Variants in PHACTR2 observed in about 807,000 individuals in gnomAD.
PHACTR2 encodes the protein chromosome 6 open reading frame 56.
In PHACTR2, 30 loss-of-function variants were observed where a neutral mutation model predicts 76.0. The observed-to-expected ratio is 0.39, with a 90% CI of 0.30 to 0.54. PHACTR2 has a LOEUF of 0.54. Ranked by LOEUF, PHACTR2 falls within the 20% of genes least tolerant of loss-of-function variation. The pLI is 0.61. For missense variants in PHACTR2, 696 were observed against 781.1 expected (o/e 0.89, Z 1.30); for synonymous variants, 292 against 292.5 (o/e 1.00, Z 0.02).
rs1238762757 is a variant in PHACTR2 at position 143,819,701 on chromosome 6, T to C, written c.1923-3973T>C. 6.6e-6 allele frequency among the ~76,000 whole-genome samples: 1 copy of C among 152,056 alleles called. No individual in the cohort carries two copies. Among genetic ancestry groups the C allele is most frequent in the Non-Finnish European group, 1.5e-5 (1 of 67,982 alleles). ...CTCCAGTAGATAGATTGACATAGTCTCCTTTTCTCTGTTTTTGTCCTCTCT... is the reference window on the plus strand; with the variant it reads ...CTCCAGTAGATAGATTGACATAGTCCCCTTTTCTCTGTTTTTGTCCTCTCT... On this transcript the variant is annotated intron_variant, in intron 12 of 12. Coordinates refer to ENST00000440869, the MANE Select transcript of PHACTR2 (RefSeq NM_001100164.2). This position sits in a 1 kb window ranked among gnomAD's most constrained non-coding sequence, Gnocchi z 5.0.
chr6:143,748,364 C>T (rs1779114295), intron 2 of PHACTR2, among the ~76,000 whole-genome samples: 1 of 152,254 alleles, frequency 6.6e-6, no homozygotes, highest in African/African-American at 2.4e-5. Context: ...CCGTTCCTGG[C>T]TGAAAGCTGA....
At chr6:143,668,270 G>C (rs1438903989) in intron 1 of PHACTR2, among the ~76,000 whole-genome samples, 1 of 152,102 alleles carries the variant, frequency 6.6e-6, no homozygotes, top group Non-Finnish European at 1.5e-5. Context: ...TGCTGGATTC[G>C]GTTTGCCAGT....
intron 1 of PHACTR2, among the ~76,000 whole-genome samples, chr6:143,622,106 T>C (rs532670122): frequency 1.3e-5 from 2 of 152,338 alleles, no homozygotes; most frequent in Admixed American, 6.5e-5. Flanking sequence ...ATTTTTTACA[T>C]TTATTCGGGC....
rs1326061460 is a variant in PHACTR2, at chr6:143,671,218, A to G, written c.14-40798A>G. The stretch of plus-strand genomic sequence containing the variant: ...AGTGCTGAGATTACAGGTCTGAACC[A>G]CTGCACCTGGCCCAAAGTCTTTATA... On this transcript the variant is annotated intron_variant, in intron 1 of 11. Coordinates refer to the PHACTR2 transcript ENST00000305766. The surrounding 1 kb of genome is among the most constrained non-coding windows in gnomAD (Gnocchi z 4.6). Among the ~76,000 whole-genome samples the G allele has an allele frequency of 6.6e-6, 1 of 152,150 alleles. No individual in the cohort carries two copies. The highest frequency in any genetic ancestry group is 6.5e-5 in the Admixed American group (1 of 15,276).
At chr6:143,555,814 C>T (rs972875614) in intron 1 of PHACTR2, among the ~76,000 whole-genome samples, 2 of 151,856 alleles carry the variant, frequency 1.3e-5, no homozygotes, top group Admixed American at 6.6e-5. Context: ...TACTCTCATC[C>T]TCCCACCTCC....
At chr6:143,810,987 G>C (rs1366734491) in intron 12 of PHACTR2, among the ~76,000 whole-genome samples, 1 of 151,844 alleles carries the variant, frequency 6.6e-6, no homozygotes, top group Non-Finnish European at 1.5e-5. Flanking sequence ...CTTTTTAATG[G>C]TATTTTGTTT....
Position 143,585,988 on chromosome 6 carries a change from T to G in PHACTR2, c.217+48781T>G, listed in dbSNP as rs1020047860. On this transcript the variant is annotated intron_variant, in intron 1 of 11. Coordinates refer to the PHACTR2 transcript ENST00000367584. This position sits in a 1 kb window ranked among gnomAD's most constrained non-coding sequence, Gnocchi z 5.2. ...ATGTGCTTGGATGAGACCCTGGCCT[T>G]ATGCATCATATTAAATGGAAGAGAA... 1.3e-5 allele frequency among the ~76,000 whole-genome samples: 2 copies of G among 152,238 alleles called. No homozygotes were observed. Among genetic ancestry groups the G allele is most frequent in the African/African-American group, 4.8e-5 (2 of 41,460 alleles).
At chr6:143,545,860 G>A (rs77572396) in intron 1 of PHACTR2, among the ~76,000 whole-genome samples, 1,529 of 152,262 alleles carry the variant, frequency 0.01, 25 homozygotes, top group African/African-American at 0.034. Flanking sequence ...GTCAATGGTC[G>A]TCTACTTTAA....
At chr6:143,704,753 C>A (rs1778007000) in intron 1 of PHACTR2, among the ~76,000 whole-genome samples, 1 of 152,124 alleles carries the variant, frequency 6.6e-6, no homozygotes. Flanking sequence ...TTACATGTAG[C>A]AGTGGTGTCT....
At chr6:143,728,521 C>A (rs2128465077) in intron 2 of PHACTR2, among the ~76,000 whole-genome samples, 1 of 152,184 alleles carries the variant, frequency 6.6e-6, no homozygotes, top group African/African-American at 2.4e-5. Flanking sequence ...AGAGCCCAAA[C>A]AGCCAAAGCA....
chr6:143,667,409 T>G lies in PHACTR2; in HGVS notation c.14-44607T>G, dbSNP rs750649165. Among the ~76,000 whole-genome samples the G allele has an allele frequency of 3.4e-4, 52 of 151,802 alleles. 1 individual carries two copies. Among genetic ancestry groups the G allele is most frequent in the Admixed American group, 3.4e-3 (52 of 15,194 alleles). On this transcript the variant is annotated intron_variant, in intron 1 of 11. Transcript: ENST00000305766. ...ATTTAAAGTAGTTTTTTAAAAATTC[T>G]TTGAAGTCAGTGGTAGCTTGATGGG... is the stretch of plus-strand genomic sequence containing the variant.
At chr6:143,703,363 G>T (rs997242847) in intron 1 of PHACTR2, among the ~76,000 whole-genome samples, 1 of 151,940 alleles carries the variant, frequency 6.6e-6, no homozygotes, top group Non-Finnish European at 1.5e-5. Flanking sequence ...TGTATGCCTC[G>T]AAAAAATCTT....
At position 143,755,633 on chromosome 6, in the gene PHACTR2, T is replaced by C; in HGVS notation, c.454+1721T>C. 1 of 241,506 alleles carries C rather than the reference T, an allele frequency of 4.1e-6. No homozygotes were observed. Among genetic ancestry groups the C allele is most frequent in the Non-Finnish European group, 8.4e-6 (1 of 119,744 alleles). 15.0% of individuals were successfully genotyped at this position (241,506 alleles called of 1,614,324 possible). A position where few individuals can be genotyped will look rare whatever the true frequency, so the allele number is the denominator to read the frequency against. On this transcript the variant is annotated intron_variant, in intron 4 of 12. Coordinates refer to ENST00000440869, the MANE Select transcript of PHACTR2 (RefSeq NM_001100164.2). This position sits in a 1 kb window ranked among gnomAD's most constrained non-coding sequence, Gnocchi z 5.2. Reference sequence around the variant, plus strand: ...TTATCTGATAAGGTCCAAGAGAGCCTGTTGCTTGGCTAGTAGGTACATGAG... The same window carrying C: ...TTATCTGATAAGGTCCAAGAGAGCCCGTTGCTTGGCTAGTAGGTACATGAG...
chr6:143,566,170 C>A (rs1036718365), intron 1 of PHACTR2, among the ~76,000 whole-genome samples: 4 of 152,180 alleles, frequency 2.6e-5, no homozygotes, highest in African/African-American at 9.6e-5. Context: ...CGCTATGTTG[C>A]CCAAGCTGGC....
rs1402568624 is a variant in PHACTR2, at chr6:143,539,577, G to A, written c.217+2370G>A. On this transcript the variant is annotated intron_variant, in intron 1 of 11. Transcript: ENST00000367584. This position sits in a 1 kb window ranked among gnomAD's most constrained non-coding sequence, Gnocchi z 4.3. ...CAGAGGCACAATAAGAGGGTTACAC[G>A]CCTTGTAAAAACATTCCTTGGCCTA... Among the ~76,000 whole-genome samples, 2 of 152,114 alleles carry A rather than the reference G, an allele frequency of 1.3e-5. No individual in the cohort carries two copies. The highest frequency in any genetic ancestry group is 1.9e-4 in the East Asian group (1 of 5,196).
Position 143,791,686 on chromosome 6 carries a change from A to G in PHACTR2, c.1845+2776A>G, listed in dbSNP as rs1775693290. On this transcript the variant is annotated intron_variant, in intron 11 of 12. Coordinates refer to ENST00000440869, the MANE Select transcript of PHACTR2 (RefSeq NM_001100164.2). This position sits in a 1 kb window ranked among gnomAD's most constrained non-coding sequence, Gnocchi z 4.7. ...AACAAGACATGTTAAATCTCCCACT[A>G]TGTGGATTTTTTTTTTTACTTCTCC... is the stretch of plus-strand genomic sequence containing the variant. Among the ~76,000 whole-genome samples, 1 of 151,308 alleles carries G rather than the reference A, an allele frequency of 6.6e-6. No homozygotes were observed. The highest frequency in any genetic ancestry group is 6.6e-5 in the Admixed American group (1 of 15,196).
At chr6:143,628,448 T>G (rs140360849) in intron 1 of PHACTR2, among the ~76,000 whole-genome samples, 1,721 of 152,228 alleles carry the variant, frequency 0.011, 85 homozygotes, top group Admixed American at 0.097. Context: ...TTTACCGACT[T>G]GTTAGAGGCT....
Position 143,560,267 on chromosome 6 carries a change from G to A in PHACTR2, c.217+23060G>A, listed in dbSNP as rs568434544. ...GGATTTTGAAGAAAAGTGTCTTGTA[G>A]AATTTCTGTCTTTACAAACAGAGCC... On this transcript the variant is annotated intron_variant, in intron 1 of 11. Coordinates refer to the PHACTR2 transcript ENST00000367584. 2.0e-5 allele frequency among the ~76,000 whole-genome samples: 3 copies of A among 152,304 alleles called. No homozygotes were observed. The East Asian group carries it at 5.8e-4, about 29-fold the overall frequency.
chr6:143,617,583 T>C lies in PHACTR2; in HGVS notation c.13+9261T>C, dbSNP rs531123975. Among the ~76,000 whole-genome samples the C allele has an allele frequency of 1.3e-5, 2 of 152,358 alleles. No homozygotes were observed. Among genetic ancestry groups the C allele is most frequent in the Non-Finnish European group, 2.9e-5 (2 of 68,030 alleles). On this transcript the variant is annotated intron_variant, in intron 1 of 11. Coordinates refer to the PHACTR2 transcript ENST00000305766. This position sits in a 1 kb window ranked among gnomAD's most constrained non-coding sequence, Gnocchi z 4.8. ...AATGAGCCATGAGGGTGACAACCAC[T>C]GTTAGAGTCCTCTCTCTTTCTCTCT...
Sources: gnomAD v4.1 joint callset for allele counts (sites outside exome capture counted in the v4.1 genomes callset) on GRCh38, gnomAD v4.1.1 for gene constraint, Gnocchi (gnomAD v3.1) non-coding constraint, MANE v1.5 for transcripts, NCBI Gene and HGNC (gene_info 2026-07-23, HGNC 2026-07-21) for gene names.